Variants in TAFA1 observed in about 807,000 individuals in gnomAD.
The protein encoded by TAFA1 is chemokine-like protein TAFA-1.
A neutral mutation model predicts 18.5 loss-of-function variants in TAFA1; 4 were observed. The observed-to-expected ratio is 0.22, with a 90% CI of 0.11 to 0.49. The LOEUF (loss-of-function observed/expected upper bound fraction) is 0.49. Ranked by LOEUF, TAFA1 falls within the 20% of genes least tolerant of loss-of-function variation. TAFA1 has a pLI of 0.98. For missense variants in TAFA1, 147 were observed against 169.0 expected (o/e 0.87, Z 0.72); for synonymous variants, 56 against 55.2 (o/e 1.01, Z -0.06).
chr3:68,174,657 G>A (rs765776597), intron 2 of TAFA1, among the ~76,000 whole-genome samples: 1 of 152,182 alleles, frequency 6.6e-6, no homozygotes, highest in South Asian at 2.1e-4. Context: ...TTCAAGAGGT[G>A]ACTTGGGTGT....
chr3:68,513,086 T>C (rs1170059202), intron 3 of TAFA1, among the ~76,000 whole-genome samples: 2 of 152,150 alleles, frequency 1.3e-5, no homozygotes, highest in African/African-American at 4.8e-5. Context: ...CTCACCAATA[T>C]CGATGGCAAA....
At chr3:68,256,665 T>G (rs1439529745) in intron 2 of TAFA1, among the ~76,000 whole-genome samples, 1 of 152,176 alleles carries the variant, frequency 6.6e-6, no homozygotes, top group Non-Finnish European at 1.5e-5. Flanking sequence ...AAATGTTATT[T>G]GGACACTCTG....
intron 2 of TAFA1, among the ~76,000 whole-genome samples, chr3:68,065,738 G>GTATATATATATATA (rs1438316582): frequency 7.6e-6 from 1 of 131,922 alleles, no homozygotes; most frequent in African/African-American, 3.0e-5. Flanking sequence ...ATGTGTGTGT[G>GTATATATATATATA]TGTATATATA....
At chr3:68,514,905 C>T (rs1165216273) in intron 3 of TAFA1, among the ~76,000 whole-genome samples, 1 of 151,888 alleles carries the variant, frequency 6.6e-6, no homozygotes, top group African/African-American at 2.4e-5. Flanking sequence ...TATTACATCT[C>T]ATGTTTTTAT....
chr3:68,240,098 C>G (rs1247219342), intron 2 of TAFA1, among the ~76,000 whole-genome samples: 1 of 152,128 alleles, frequency 6.6e-6, no homozygotes, highest in African/African-American at 2.4e-5. Flanking sequence ...CTTTTGACTG[C>G]CAATCCAGTG....
chr3:68,198,072 C>T (rs1427735373), intron 2 of TAFA1, among the ~76,000 whole-genome samples: 4 of 151,576 alleles, frequency 2.6e-5, no homozygotes, highest in African/African-American at 9.7e-5. Flanking sequence ...AAATGAAAAT[C>T]TCAATTTCTA....
intron 2 of TAFA1, among the ~76,000 whole-genome samples, chr3:68,388,837 G>A (rs1352662986): frequency 1.3e-5 from 2 of 151,832 alleles, no homozygotes; most frequent in Admixed American, 1.3e-4. Flanking sequence ...TTAATAATTA[G>A]CCAACATTTC....
chr3:68,253,719 A>T (rs1046423094), intron 2 of TAFA1, among the ~76,000 whole-genome samples: 11 of 150,166 alleles, frequency 7.3e-5, no homozygotes, highest in African/African-American at 2.5e-4. Flanking sequence ...CATGGGGAGG[A>T]TTTTATCATG....
intron 2 of TAFA1, among the ~76,000 whole-genome samples, chr3:68,056,876 G>A (rs1278589931): frequency 6.6e-6 from 1 of 152,140 alleles, no homozygotes; most frequent in Admixed American, 6.6e-5. Flanking sequence ...ACTCTGAGGG[G>A]TCTGGATGAG....
At chr3:68,064,361 G>A (rs116506335) in intron 2 of TAFA1, among the ~76,000 whole-genome samples, 2,175 of 152,300 alleles carry the variant, frequency 0.014, 56 homozygotes, top group African/African-American at 0.049. Flanking sequence ...CAAAGTTTCA[G>A]TTTCCTAGGG....
At chr3:68,274,864 T>C (rs1465410957) in intron 2 of TAFA1, among the ~76,000 whole-genome samples, 1 of 152,128 alleles carries the variant, frequency 6.6e-6, no homozygotes, top group Non-Finnish European at 1.5e-5. Flanking sequence ...TTTTGCTGTT[T>C]TCTCTAGAAA....
At chr3:68,476,781 C>T (rs779100163) in intron 3 of TAFA1, among the ~76,000 whole-genome samples, 1 of 152,004 alleles carries the variant, frequency 6.6e-6, no homozygotes, top group Non-Finnish European at 1.5e-5. Context: ...CCATTTGTAA[C>T]CAGAAAATTT....
At chr3:68,454,736 G>A (rs1275002857) in intron 3 of TAFA1, among the ~76,000 whole-genome samples, 2 of 152,106 alleles carry the variant, frequency 1.3e-5, no homozygotes, top group Non-Finnish European at 1.5e-5. Context: ...TTCATTACAA[G>A]TTGCATAAGA....
At chr3:68,261,384 A>G (rs1575721867) in intron 2 of TAFA1, among the ~76,000 whole-genome samples, 1 of 152,174 alleles carries the variant, frequency 6.6e-6, no homozygotes, top group Non-Finnish European at 1.5e-5. Flanking sequence ...AGAACTAGAA[A>G]TACCATTTGA....
At chr3:68,232,282 T>C (rs915149242) in intron 2 of TAFA1, among the ~76,000 whole-genome samples, 1 of 152,190 alleles carries the variant, frequency 6.6e-6, no homozygotes, top group African/African-American at 2.4e-5. Context: ...TGCTCAACTT[T>C]TTTAGCTCCC....
chr3:68,489,525 T>G (rs1014448413), intron 3 of TAFA1, among the ~76,000 whole-genome samples: 4 of 152,332 alleles, frequency 2.6e-5, no homozygotes, highest in Non-Finnish European at 5.9e-5. Context: ...GAAAAGCATT[T>G]CCCATACTGT....
At chr3:68,388,792 G>A (rs2070163791) in intron 2 of TAFA1, among the ~76,000 whole-genome samples, 1 of 151,904 alleles carries the variant, frequency 6.6e-6, no homozygotes, top group Admixed American at 6.6e-5. Flanking sequence ...AAACTTCAGG[G>A]TCAGAAGGGA....
intron 2 of TAFA1, among the ~76,000 whole-genome samples, chr3:68,202,048 A>G (rs2066475295): frequency 6.6e-6 from 1 of 151,736 alleles, no homozygotes; most frequent in South Asian, 2.1e-4. Context: ...GTCAGCCATG[A>G]AAGCAGAAGC....
chr3:68,396,888 G>T (rs999393175), intron 2 of TAFA1, among the ~76,000 whole-genome samples: 1 of 152,114 alleles, frequency 6.6e-6, no homozygotes, highest in African/African-American at 2.4e-5. Flanking sequence ...ATTTTTAAAT[G>T]AATTTTAAGG....
Sources: gnomAD v4.1 joint callset for allele counts (sites outside exome capture counted in the v4.1 genomes callset) on GRCh38, gnomAD v4.1.1 for gene constraint, MANE v1.5 for transcripts, NCBI Gene and HGNC (gene_info 2026-07-23, HGNC 2026-07-21) for gene names.